Variants in TDRD7 observed in about 807,000 individuals in gnomAD.
TDRD7 encodes the protein tudor domain-containing protein 7.
Under a neutral mutation model 109.8 loss-of-function variants are expected in TDRD7, and 47 were observed. The observed-to-expected ratio is 0.43, with a 90% CI of 0.34 to 0.55. The LOEUF (loss-of-function observed/expected upper bound fraction) is 0.55, where lower values mean the gene tolerates loss of function less well. Among genes scored for constraint, TDRD7 ranks in the 20% least tolerant of loss-of-function variants. The pLI, the probability that TDRD7 is intolerant of heterozygous loss-of-function variation, is 0.03. For synonymous variants in TDRD7, 424 were observed against 457.3 expected (o/e 0.93, Z 0.93); for missense variants, 1,164 against 1,319.2 (o/e 0.88, Z 1.82).
At position 97,483,151 on chromosome 9, in the gene TDRD7, C is replaced by G; in HGVS notation, c.2715C>G (p.Val905=). Residue 905 remains valine (V), a synonymous_variant, in exon 15 of 17, where the codon GTC becomes GTG. Coordinates refer to ENST00000355295, the MANE Select transcript of TDRD7 (RefSeq NM_014290.3). The part of the protein sequence containing the change: ...AFSTEELPPP[V]HLSKPGEHMD... ...CCACAGAGGAACTGCCACCTCCTGT[C>G]CACTTATCAAAGCCAGGGGAACACA... is the stretch of plus-strand genomic sequence containing the variant. 1 of 1,614,186 alleles carries G rather than the reference C, an allele frequency of 6.2e-7. No individual in the cohort carries two copies. The highest frequency in any genetic ancestry group is 8.5e-7 in the Non-Finnish European group (1 of 1,180,038).
At chr9:97,443,380 C>T (rs1828345715) in intron 6 of TDRD7, among the ~76,000 whole-genome samples, 1 of 152,196 alleles carries the variant, frequency 6.6e-6, no homozygotes, top group South Asian at 2.1e-4. Flanking sequence ...GGAAATATGG[C>T]TCTGTTTCCC....
intron 1 of TDRD7, among the ~76,000 whole-genome samples, chr9:97,418,487 AAACAGGTCATG>A: frequency 6.6e-6 from 1 of 152,264 alleles, no homozygotes; most frequent in Middle Eastern, 3.4e-3. Flanking sequence ...TCTGGCCGTT[AAACAGGTCATG>A]GGTGGGGACA....
At chr9:97,490,348 G>C (rs1319514138) in intron 16 of TDRD7, among the ~76,000 whole-genome samples, 1 of 151,906 alleles carries the variant, frequency 6.6e-6, no homozygotes, top group Non-Finnish European at 1.5e-5. Flanking sequence ...TTAGCTGGTG[G>C]GTTTTTTCCT....
In TDRD7 at chr9:97,452,678, G is replaced by A. The variant is rs114152905; in HGVS notation, c.856-7500G>A. Reference sequence around the variant, plus strand: ...TTATTGGTCAAAAATTCACTTTATAGGCTGACTGGCAAAGTTTGACTTAAA... The same window carrying A: ...TTATTGGTCAAAAATTCACTTTATAAGCTGACTGGCAAAGTTTGACTTAAA... On this transcript the variant is annotated intron_variant, in intron 6 of 16. Transcript: ENST00000355295. 7.8e-3 allele frequency among the ~76,000 whole-genome samples: 1,195 copies of A among 152,244 alleles called. 18 individuals are homozygous for A. The highest frequency in any genetic ancestry group is 0.028 in the African/African-American group (1,155 of 41,532).
intron 1 of TDRD7, among the ~76,000 whole-genome samples, chr9:97,426,134 G>A (rs1464718017): frequency 6.6e-6 from 1 of 152,218 alleles, no homozygotes; most frequent in African/African-American, 2.4e-5. Flanking sequence ...TACTCTGGAT[G>A]AGTCAGTGAG....
chr9:97,475,272 G>T, intron 11 of TDRD7, 111 bp from the exon 12 acceptor site: 1 of 823,882 alleles, frequency 1.2e-6, no homozygotes, highest in South Asian at 1.4e-5. Context: ...CTGGAAGTCT[G>T]ACTACATGTC....
Position 97,478,703 on chromosome 9 carries a change from G to A in TDRD7, c.2301+130G>A, listed in dbSNP as rs867551350. ...AATTGGAAATTGTCCAAATGTGGTT[G>A]TCTGCTGGTTTTCAGAAGTAAAACA... is the stretch of plus-strand genomic sequence containing the variant. On this transcript the variant is annotated intron_variant, in intron 13 of 16. Transcript: ENST00000355295. The A allele has an allele frequency of 6.8e-6, 9 of 1,331,932 alleles. No individual in the cohort carries two copies. In the South Asian group the frequency reaches 9.6e-5, roughly 14 times the overall value. 82.5% of individuals were successfully genotyped at this position (1,331,932 alleles called of 1,614,324 possible). A position where few individuals can be genotyped will look rare whatever the true frequency, so the allele number is the denominator to read the frequency against.
intron 3 of TDRD7, among the ~76,000 whole-genome samples, chr9:97,431,363 A>T (rs1024641395): frequency 2.0e-5 from 3 of 152,146 alleles, no homozygotes; most frequent in African/African-American, 4.8e-5. Flanking sequence ...ATTTCAGGGA[A>T]TGTCTTGTCC....
chr9:97,453,824 G>C (rs1468689083), intron 6 of TDRD7, among the ~76,000 whole-genome samples: 1 of 152,150 alleles, frequency 6.6e-6, no homozygotes, highest in African/African-American at 2.4e-5. Context: ...TAATAGTAAA[G>C]GGAACAATTC....
chr9:97,437,810 TCTAA>T (rs1232198740), intron 4 of TDRD7, among the ~76,000 whole-genome samples: 1 of 152,202 alleles, frequency 6.6e-6, no homozygotes, highest in Non-Finnish European at 1.5e-5. Context: ...TCTGGACCAG[TCTAA>T]CTCTTTGTCT....
chr9:97,449,310 T>C (rs1828451512), intron 6 of TDRD7, among the ~76,000 whole-genome samples: 1 of 152,154 alleles, frequency 6.6e-6, no homozygotes, highest in African/African-American at 2.4e-5. Flanking sequence ...TACCTGGAGA[T>C]AGCATCAGAT....
chr9:97,412,826 G>A lies in TDRD7; in HGVS notation c.-7+588G>A, dbSNP rs1419948750. On this transcript the variant is annotated intron_variant, in intron 1 of 16. Coordinates refer to ENST00000355295, the MANE Select transcript of TDRD7 (RefSeq NM_014290.3). The surrounding 1 kb of genome is among the most constrained non-coding windows in gnomAD (Gnocchi z 4.3). ...GTGGGTACAGAGCACCCAGCTGGGAGGGAAACATGGATCCGTGAGTAAGTT... is the reference window on the plus strand; with the variant it reads ...GTGGGTACAGAGCACCCAGCTGGGAAGGAAACATGGATCCGTGAGTAAGTT... Among the ~76,000 whole-genome samples the A allele has an allele frequency of 6.6e-6, 1 of 152,226 alleles. No homozygotes were observed. The highest frequency in any genetic ancestry group is 1.5e-5 in the Non-Finnish European group (1 of 68,036).
intron 15 of TDRD7, among the ~76,000 whole-genome samples, chr9:97,484,486 A>AC (rs766647405): frequency 5.4e-5 from 8 of 149,420 alleles, no homozygotes; most frequent in Non-Finnish European, 9.0e-5. Flanking sequence ...ACACACACAC[A>AC]CACACACCCC....
intron 16 of TDRD7, among the ~76,000 whole-genome samples, chr9:97,494,763 T>A (rs1438799940): frequency 6.7e-6 from 1 of 149,512 alleles, no homozygotes; most frequent in Non-Finnish European, 1.5e-5. Context: ...CTGGATGGAG[T>A]ACAGTGATGC....
At position 97,487,137 on chromosome 9, in the gene TDRD7, G is replaced by A. The variant is rs776791490; in HGVS notation, c.2916-35G>A. On this transcript the variant is annotated intron_variant, in intron 15 of 16. Transcript: ENST00000355295. The stretch of plus-strand genomic sequence containing the variant: ...CTTAAAGCAGGTACTGAGTTTATGT[G>A]TTTTCTCTTCCTTTTTAATTTAATG... The A allele has an allele frequency of 1.9e-6, 3 of 1,612,684 alleles. No individual in the cohort carries two copies. In the East Asian group the frequency reaches 6.7e-5, roughly 36 times the overall value.
At chr9:97,475,052 T>C (rs1424485015) in intron 11 of TDRD7, among the ~76,000 whole-genome samples, 1 of 152,186 alleles carries the variant, frequency 6.6e-6, no homozygotes, top group Non-Finnish European at 1.5e-5. Flanking sequence ...CTGTTCTTCT[T>C]TTTGTCAGAT....
chr9:97,464,267 G>T (rs536369856), intron 7 of TDRD7, among the ~76,000 whole-genome samples: 158 of 152,230 alleles, frequency 1.0e-3, no homozygotes, highest in African/African-American at 3.5e-3. Context: ...CCCTCTCGTT[G>T]TCTGGATTGC....
At chr9:97,422,734 C>G (rs1827920461) in intron 1 of TDRD7, among the ~76,000 whole-genome samples, 1 of 151,846 alleles carries the variant, frequency 6.6e-6, no homozygotes, top group African/African-American at 2.4e-5. Context: ...AGTTTTTTAT[C>G]ATAAATACAT....
At chr9:97,462,727 C>G (rs1828746380) in intron 7 of TDRD7, among the ~76,000 whole-genome samples, 2 of 152,238 alleles carry the variant, frequency 1.3e-5, no homozygotes, top group Admixed American at 6.5e-5. Context: ...TGACCTCATT[C>G]TCGTCATTAC....
Sources: allele counts gnomAD v4.1 joint callset (sites outside exome capture counted in the v4.1 genomes callset), GRCh38; gene constraint gnomAD v4.1.1; non-coding constraint Gnocchi (gnomAD v3.1); transcripts MANE v1.5; gene names NCBI Gene and HGNC (gene_info 2026-07-23, HGNC 2026-07-21).